The following ERICH3 variants were observed in gnomAD, a reference collection of about 807,000 sequenced individuals.
ERICH3 encodes the protein glutamate rich 3.
Under a neutral mutation model 131.1 loss-of-function variants are expected in ERICH3, and 126 were observed. The ratio of observed to expected loss-of-function variants is 0.96; its 90% confidence interval spans 0.83 to 1.11. The LOEUF is 1.11. Ranked by LOEUF, ERICH3 falls within the 50% of genes most tolerant of loss-of-function variation. ERICH3 has a pLI of 0.00. For synonymous variants in ERICH3, 695 were observed against 644.6 expected (o/e 1.08, Z -1.18); for missense variants, 2,050 against 1,810.7 (o/e 1.13, Z -2.40).
At chr1:74,578,289 G>A (rs906539732) in intron 12 of ERICH3, 1 of 178,418 alleles carries the variant, frequency 5.6e-6, no homozygotes, top group Non-Finnish European at 1.2e-5. Flanking sequence ...CAATGATGAT[G>A]ATGATGATGA....
rs1570794284 is a variant in ERICH3 at position 74,573,408 on chromosome 1, T to C, written c.2302A>G (p.Thr768Ala). The stretch of plus-strand genomic sequence containing the variant: ...TCCATTGCTTCTTTCTTCTCCAGTG[T>C]ATACGTTTTTTGCACCAATTGCTGG... ...ESQQLVQKTY[T>A]LEKKEAMEED... Residue 768 changes from threonine (T) to alanine (A), a missense_variant, in exon 14 of 15, where the codon ACA becomes GCA. Thr to Ala is a moderately conservative substitution (Grantham distance 58, BLOSUM62 0). Transcript: ENST00000326665. The C allele has an allele frequency of 3.1e-6, 5 of 1,589,440 alleles. No individual in the cohort carries two copies. In the East Asian group the frequency reaches 6.8e-5, roughly 22 times the overall value.
chr1:74,634,176 C>A lies in ERICH3; in HGVS notation c.603+2104G>T, dbSNP rs552133239. The stretch of plus-strand genomic sequence containing the variant: ...CTTCTTGTCTGATTTTATATTAAAT[C>A]ATTTTCATCATCAATGCCATTGAAA... On this transcript the variant is annotated intron_variant, in intron 6 of 14. Coordinates refer to ENST00000326665, the MANE Select transcript of ERICH3 (RefSeq NM_001002912.5). Among the ~76,000 whole-genome samples, 4 of 152,162 alleles carry A rather than the reference C, an allele frequency of 2.6e-5. No individual in the cohort carries two copies. The South Asian group carries it at 8.3e-4, about 32-fold the overall frequency.
intron 10 of ERICH3, among the ~76,000 whole-genome samples, chr1:74,603,628 G>C (rs115560326): frequency 9.5e-4 from 144 of 151,820 alleles, no homozygotes; most frequent in African/African-American, 3.1e-3. Context: ...GGATATTGCA[G>C]GTTCAGTTCC....
Position 74,612,617 on chromosome 1 carries a change from C to T in ERICH3, c.1187+6G>A, listed in dbSNP as rs2100597245. ...GCCCTCTACCAAAGGACATTTGTTT[C>T]CATACTTGTAGCAAGGAGATGATCT... On this transcript the variant is annotated splice_donor_region_variant and intron_variant, in intron 9 of 14. Transcript: ENST00000326665. The T allele has an allele frequency of 6.5e-7, 1 of 1,540,790 alleles. No homozygotes were observed. The highest frequency in any genetic ancestry group is 1.2e-5 in the South Asian group (1 of 81,158).
rs1314148511 is a variant in ERICH3 at position 74,569,889 on chromosome 1, C to T, written c.*569G>A. 1.3e-5 allele frequency: 2 copies of T among 152,118 alleles called. No individual in the cohort carries two copies. Among genetic ancestry groups the T allele is most frequent in the Non-Finnish European group, 2.9e-5 (2 of 68,012 alleles). 9.4% of individuals were successfully genotyped at this position (152,118 alleles called of 1,614,324 possible). A position where few individuals can be genotyped will look rare whatever the true frequency, so the allele number is the denominator to read the frequency against. On this transcript the variant is annotated 3_prime_UTR_variant, in exon 15 of 15. Coordinates refer to ENST00000326665, the MANE Select transcript of ERICH3 (RefSeq NM_001002912.5). ...TTCTAAGTATAAGTGAATATACATG[C>T]CAAGAAATCTTTTGCTGGAAGAACT...
intron 12 of ERICH3, among the ~76,000 whole-genome samples, chr1:74,583,761 T>C (rs950511976): frequency 1.3e-5 from 2 of 152,194 alleles, no homozygotes; most frequent in African/African-American, 4.8e-5. Context: ...GGTTCTTTCT[T>C]CCAGGTTCTC....
intron 10 of ERICH3, among the ~76,000 whole-genome samples, chr1:74,600,152 T>C (rs1570848068): frequency 1.3e-5 from 2 of 151,806 alleles, no homozygotes; most frequent in East Asian, 3.9e-4. Context: ...AAGCTCCAAA[T>C]GACAAGGCTG....
intron 6 of ERICH3, among the ~76,000 whole-genome samples, chr1:74,634,226 C>T (rs1280982211): frequency 6.6e-6 from 1 of 152,088 alleles, no homozygotes. Context: ...GACATAATCA[C>T]AGTATACTTT....
intron 11 of ERICH3, chr1:74,592,049 T>C: frequency 6.6e-6 from 1 of 152,210 alleles, no homozygotes; most frequent in East Asian, 1.9e-4. Context: ...TGACAGGTCT[T>C]AGCATTTTAA....
intron 7 of ERICH3, chr1:74,625,348 C>T (rs1442772138): frequency 2.0e-5 from 3 of 151,940 alleles, no homozygotes; most frequent in Non-Finnish European, 2.9e-5. Context: ...TAATTTAGCA[C>T]CATTATGTAG....
chr1:74,589,144 G>A (rs1377968242), intron 12 of ERICH3, among the ~76,000 whole-genome samples: 1 of 152,104 alleles, frequency 6.6e-6, no homozygotes, highest in Non-Finnish European at 1.5e-5. Context: ...ATAATAGAAT[G>A]TAACTTAGAG....
In ERICH3 at chr1:74,572,825, G is replaced by A; in HGVS notation, c.2885C>T (p.Thr962Ile). Residue 962 changes from threonine (T) to isoleucine (I), a missense_variant, in exon 14 of 15, where the codon ACA (threonine) becomes ATA (isoleucine). Transcript: ENST00000326665. ...DLEDTGPMED[T>I]ASKREDGSEE... Reference sequence around the variant, plus strand: ...AGAACCGTCCTCTCTCTTTGATGCTGTGTCCTCCATGGGTCCTGTGTCCTC... The same window carrying A: ...AGAACCGTCCTCTCTCTTTGATGCTATGTCCTCCATGGGTCCTGTGTCCTC... 6.2e-7 allele frequency: 1 copy of A among 1,613,678 alleles called. No individual in the cohort carries two copies. Among genetic ancestry groups the A allele is most frequent in the Middle Eastern group, 1.6e-4 (1 of 6,062 alleles).
intron 9 of ERICH3, 124 bp from the exon 10 acceptor site, chr1:74,607,026 A>C (rs1570859416): frequency 5.9e-6 from 4 of 683,218 alleles, no homozygotes; most frequent in Non-Finnish European, 9.0e-6. Context: ...TTTTGATTAC[A>C]GTACACACTA....
At chr1:74,607,065 TA>T in intron 9 of ERICH3, among the ~76,000 whole-genome samples, 163 bp from the exon 10 acceptor site, 1 of 152,144 alleles carries the variant, frequency 6.6e-6, no homozygotes, top group Non-Finnish European at 1.5e-5. Flanking sequence ...AAAAGCTAAT[TA>T]AAAATAAACT....
rs1378154655 is a variant in ERICH3 at position 74,599,939 on chromosome 1, A to G, written c.1490-8T>C. The G allele has an allele frequency of 1.9e-6, 3 of 1,585,492 alleles. No individual in the cohort carries two copies. Among genetic ancestry groups the G allele is most frequent in the Non-Finnish European group, 2.6e-6 (3 of 1,162,718 alleles). On this transcript the variant is annotated splice_region_variant and splice_polypyrimidine_tract_variant and intron_variant, in intron 10 of 14. Transcript: ENST00000326665. ...CAAAGTCTTCTTCATACTCTGAAAT[A>G]GGAAAATCTCCACTATAAGAATGAA...
intron 12 of ERICH3, 67 bp from the exon 13 acceptor site, chr1:74,577,003 C>T (rs1647071064): frequency 6.9e-7 from 1 of 1,452,126 alleles, no homozygotes; most frequent in Admixed American, 2.2e-5. Flanking sequence ...CATGGTTCTC[C>T]ATCTCTCCAG....
intron 11 of ERICH3, among the ~76,000 whole-genome samples, chr1:74,597,058 G>T (rs1647885083): frequency 6.6e-6 from 1 of 152,070 alleles, no homozygotes; most frequent in Non-Finnish European, 1.5e-5. Flanking sequence ...CAATAAAAAG[G>T]ATGTACTGGT....
chr1:74,602,600 C>T (rs775915936), intron 10 of ERICH3, among the ~76,000 whole-genome samples: 2 of 151,846 alleles, frequency 1.3e-5, no homozygotes, highest in Non-Finnish European at 2.9e-5. Context: ...GAGAGCTAAA[C>T]CCTTGCGGCT....
chr1:74,573,279 C>A lies in ERICH3; in HGVS notation c.2431G>T (p.Ala811Ser), dbSNP rs75061423. 4.5e-3 allele frequency: 7,116 copies of A among 1,598,616 alleles called. 294 individuals carry two copies. In the African/African-American group the frequency reaches 0.087, roughly 19 times the overall value. The change falls in exon 14 of 15, where the codon GCG becomes TCG. Residue 811 changes from alanine (A) to serine (S), a missense_variant. Transcript: ENST00000326665. Reference protein sequence around the residue: ...AGAVHEAPLRAWKPTAEQPEL... With the variant: ...AGAVHEAPLRSWKPTAEQPEL... ...GGCTGCTCTGCTGTTGGCTTCCACGCCCTCAAGGGAGCCTCATGAACAGCT... is the reference window on the plus strand; with the variant it reads ...GGCTGCTCTGCTGTTGGCTTCCACGACCTCAAGGGAGCCTCATGAACAGCT...
Sources: allele counts gnomAD v4.1 joint callset (sites outside exome capture counted in the v4.1 genomes callset), GRCh38; gene constraint gnomAD v4.1.1; transcripts MANE v1.5; gene names NCBI Gene and HGNC (gene_info 2026-07-23, HGNC 2026-07-21).